Variants in RABGAP1L observed in about 807,000 individuals in gnomAD.
RABGAP1L encodes RAB GTPase activating protein 1 like.
A neutral mutation model predicts 137.7 loss-of-function variants in RABGAP1L; 63 were observed. The observed-to-expected ratio is 0.46, with a 90% confidence interval of 0.37 to 0.56. The LOEUF is 0.56. Ranked by LOEUF, RABGAP1L falls within the 20% of genes least tolerant of loss-of-function variation. The pLI is 0.00. For synonymous variants in RABGAP1L, 431 were observed against 433.7 expected (o/e 0.99, Z 0.08); for missense variants, 1,095 against 1,244.0 (o/e 0.88, Z 1.80).
chr1:174,894,733 TTTTG>T (rs924211537), intron 19 of RABGAP1L, among the ~76,000 whole-genome samples: 3 of 132,738 alleles, frequency 2.3e-5, no homozygotes, highest in African/African-American at 1.1e-4. Context: ...TTTTTGTTGT[TTTTG>T]TTTGTTTGTT....
intron 1 of RABGAP1L, among the ~76,000 whole-genome samples, chr1:174,209,398 A>G (rs535686145): frequency 1.8e-4 from 27 of 152,252 alleles, no homozygotes; most frequent in African/African-American, 6.5e-4. Context: ...GCCAGCCAGC[A>G]TTCACCAGAA....
At chr1:174,421,219 GAGCATAGGCTTATGTTACA>G (rs1372790146) in intron 13 of RABGAP1L, among the ~76,000 whole-genome samples, 2 of 152,138 alleles carry the variant, frequency 1.3e-5, no homozygotes, top group Admixed American at 6.5e-5. Flanking sequence ...TATTTGGAAA[GAGCATAGGCTTATGTTACA>G]ACTGGGATTC....
rs1156989213 is a variant in RABGAP1L at position 174,701,217 on chromosome 1, A to AG, written c.2026-895dup. 6.3e-6 allele frequency: 8 copies of AG among 1,273,816 alleles called. No homozygotes were observed. The African/African-American group carries it at 1.1e-4, about 17-fold the overall frequency. The allele number at this position is 1,273,816 out of a possible 1,614,324, so 78.9% of individuals were successfully genotyped here. A position where few individuals can be genotyped will look rare whatever the true frequency, so the allele number is the denominator to read the frequency against. ...AAACCATTTGCTTGTTTAAATTGGG[A>AG]GAAAAAAATAAAGTTACCATAAAGG... On this transcript the variant is annotated intron_variant, in intron 16 of 25. Coordinates refer to ENST00000681986, the MANE Select transcript of RABGAP1L (RefSeq NM_001366446.1).
intron 13 of RABGAP1L, among the ~76,000 whole-genome samples, chr1:174,540,932 G>A (rs7554728): frequency 0.39 from 59,264 of 152,008 alleles, 14,578 homozygotes; most frequent in African/African-American, 0.7. Flanking sequence ...ACGAGCATGG[G>A]ATGTTCTTCC....
intron 19 of RABGAP1L, among the ~76,000 whole-genome samples, chr1:174,937,632 A>ATATATATC (rs1190513202): frequency 1.6e-5 from 2 of 128,600 alleles, no homozygotes; most frequent in South Asian, 2.5e-4. Context: ...ATATATATAT[A>ATATATATC]TATCTTGCAG....
At chr1:174,890,070 G>A (rs562055828) in intron 19 of RABGAP1L, among the ~76,000 whole-genome samples, 93 of 151,954 alleles carry the variant, frequency 6.1e-4, no homozygotes, top group Middle Eastern at 3.4e-3. Flanking sequence ...TCAAACAAAC[G>A]AACAAAAAAA....
chr1:174,741,026 C>G (rs1177306831), intron 17 of RABGAP1L, among the ~76,000 whole-genome samples: 2 of 145,160 alleles, frequency 1.4e-5, no homozygotes, highest in Admixed American at 6.8e-5. Context: ...TCTCTTCACT[C>G]TGTTGATTTT....
intron 19 of RABGAP1L, among the ~76,000 whole-genome samples, chr1:174,861,766 A>G (rs1409737637): frequency 6.6e-6 from 1 of 152,086 alleles, no homozygotes; most frequent in Non-Finnish European, 1.5e-5. Flanking sequence ...GAAAATATCT[A>G]TTCAGGTCCT....
intron 19 of RABGAP1L, among the ~76,000 whole-genome samples, chr1:174,898,370 T>C (rs1573727802): frequency 1.3e-5 from 2 of 152,340 alleles, no homozygotes; most frequent in East Asian, 3.9e-4. Context: ...TTATTCCAAA[T>C]GCATGGCGTT....
At position 174,351,598 on chromosome 1, in the gene RABGAP1L, T is replaced by C. The variant is rs137923953; in HGVS notation, c.1466-19381T>C. On this transcript the variant is annotated intron_variant, in intron 11 of 25. Transcript: ENST00000681986. ...TTCCTGCTGCATTTAGGATCCTTTC[T>C]TTATTCTTGACCTTTGGGTGTTAGA... Among the ~76,000 whole-genome samples the C allele has an allele frequency of 1.2e-3, 188 of 152,304 alleles. 1 individual carries two copies. The highest frequency in any genetic ancestry group is 4.4e-3 in the African/African-American group (184 of 41,566).
intron 11 of RABGAP1L, among the ~76,000 whole-genome samples, chr1:174,349,051 G>GA (rs1342801384): frequency 3.3e-5 from 5 of 150,052 alleles, no homozygotes; most frequent in African/African-American, 1.2e-4. Context: ...GGGCGGGGGG[G>GA]GGGCTGACCC....
chr1:174,582,476 G>T (rs781780331), intron 13 of RABGAP1L, among the ~76,000 whole-genome samples: 2 of 151,980 alleles, frequency 1.3e-5, no homozygotes, highest in African/African-American at 4.8e-5. Context: ...GCAGTGGTGC[G>T]TGCCTGTAGT....
chr1:174,175,009 A>C (rs112841951), intron 1 of RABGAP1L, among the ~76,000 whole-genome samples: 2,190 of 152,352 alleles, frequency 0.014, 33 homozygotes, highest in South Asian at 0.031. Flanking sequence ...AAGGTGTCAA[A>C]GTATTTATAT....
intron 13 of RABGAP1L, among the ~76,000 whole-genome samples, chr1:174,547,288 G>A (rs964946893): frequency 2.6e-5 from 4 of 151,984 alleles, no homozygotes; most frequent in African/African-American, 9.7e-5. Context: ...GAATGTGAGC[G>A]TTGATTATTT....
chr1:174,926,395 T>G (rs529668729), intron 19 of RABGAP1L, among the ~76,000 whole-genome samples: 5 of 152,324 alleles, frequency 3.3e-5, no homozygotes, highest in African/African-American at 1.2e-4. Context: ...TTCATATAGT[T>G]CAGTCTCCCC....
At chr1:174,883,379 G>A (rs1387490573) in intron 19 of RABGAP1L, among the ~76,000 whole-genome samples, 2 of 152,214 alleles carry the variant, frequency 1.3e-5, no homozygotes, top group African/African-American at 4.8e-5. Context: ...AGGTCTAAAG[G>A]AAGAAGTGGG....
chr1:174,631,639 A>G (rs2148314597), intron 13 of RABGAP1L, among the ~76,000 whole-genome samples: 1 of 88,252 alleles, frequency 1.1e-5, no homozygotes, highest in East Asian at 3.0e-4. Context: ...TCCCTTTACC[A>G]TTATGTAATG....
chr1:174,953,295 AG>A lies in RABGAP1L; in HGVS notation c.2341-4161del, dbSNP rs573337749. Among the ~76,000 whole-genome samples, 23 of 152,352 alleles carry A rather than the reference AG, an allele frequency of 1.5e-4. No individual in the cohort carries two copies. The East Asian group carries it at 3.5e-3, about 23-fold the overall frequency. On this transcript the variant is annotated intron_variant, in intron 19 of 25. Coordinates refer to ENST00000681986, the MANE Select transcript of RABGAP1L (RefSeq NM_001366446.1). ...AGAAGAGAGAAAACATGGAGAATGA[AG>A]AAAGTTGGGTGTATTCTTTTCAGTC... is the stretch of plus-strand genomic sequence containing the variant.
At chr1:174,350,070 G>A (rs1245920077) in intron 11 of RABGAP1L, among the ~76,000 whole-genome samples, 19 of 135,044 alleles carry the variant, frequency 1.4e-4, no homozygotes, top group African/African-American at 3.9e-4. Context: ...CGGACGGGGC[G>A]GCTGGCTGGG....
Sources: gnomAD v4.1 joint callset for allele counts (sites outside exome capture counted in the v4.1 genomes callset) on GRCh38, gnomAD v4.1.1 for gene constraint, MANE v1.5 for transcripts, NCBI Gene and HGNC (gene_info 2026-07-23, HGNC 2026-07-21) for gene names.